The following FAM161A variants were observed in gnomAD, a reference collection of about 807,000 sequenced individuals.
FAM161A encodes the protein FAM161 centrosomal protein A, also known as protein FAM161A.
Under a neutral mutation model 70.9 loss-of-function variants are expected in FAM161A, and 57 were observed. That is an observed-to-expected ratio of 0.80 (90% CI 0.65 to 1.00). The LOEUF (loss-of-function observed/expected upper bound fraction) is 1.00, where lower values mean the gene tolerates loss of function less well. FAM161A is among the 50% of genes least tolerant of loss of function. FAM161A has a pLI of 0.00. For synonymous variants in FAM161A, 299 were observed against 295.7 expected (o/e 1.01, Z -0.12); for missense variants, 880 against 836.0 (o/e 1.05, Z -0.65).
chr2:61,853,727 C>T, intron 1 of FAM161A, 132 bp downstream of exon 1: 1 of 932,436 alleles, frequency 1.1e-6, no homozygotes, highest in Non-Finnish European at 1.6e-6. Flanking sequence ...TGGGCCAGGA[C>T]CACCAAGTAG....
At chr2:61,852,141 C>T (rs1673518952) in intron 1 of FAM161A, among the ~76,000 whole-genome samples, 1 of 151,942 alleles carries the variant, frequency 6.6e-6, no homozygotes, top group African/African-American at 2.4e-5. Flanking sequence ...GTGTGGTGGT[C>T]TCAGAACAGT....
chr2:61,817,158 C>T, the FAM161A span, among the ~76,000 whole-genome samples: 2 of 152,178 alleles, frequency 1.3e-5, no homozygotes, highest in East Asian at 1.9e-4. Flanking sequence ...GGGACAGGGC[C>T]CTTCGCTTTC....
rs1672861006 is a variant in FAM161A, at chr2:61,838,603, C to T, written c.1686G>A (p.Arg562=). ...MKELQKLLTT[R]AKAYDSHQSL... is the part of the protein sequence containing the mutation. The stretch of plus-strand genomic sequence containing the variant: ...TTTGATGTGAGTCATAAGCCTTAGC[C>T]CGGGTTGTCAGGAGTTTCTGCAATT... The change falls in exon 4 of 7, where the codon CGG becomes CGA. Residue 562 remains arginine (R), a synonymous_variant. Coordinates refer to ENST00000404929, the MANE Select transcript of FAM161A (RefSeq NM_001201543.2). The T allele has an allele frequency of 1.2e-6, 2 of 1,612,112 alleles. No homozygotes were observed. The highest frequency in any genetic ancestry group is 1.7e-6 in the Non-Finnish European group (2 of 1,179,466).
intron 1 of FAM161A, among the ~76,000 whole-genome samples, chr2:61,844,928 T>C (rs1234191207): frequency 3.9e-5 from 6 of 152,096 alleles, no homozygotes; most frequent in Non-Finnish European, 7.4e-5. Context: ...AGACACATGG[T>C]TGGACGAGGA....
At chr2:61,814,156 T>G in the FAM161A span, among the ~76,000 whole-genome samples, 1 of 152,154 alleles carries the variant, frequency 6.6e-6, no homozygotes, top group Admixed American at 6.5e-5. Flanking sequence ...GTGGCTGGAG[T>G]GTCACCTACC....
At chr2:61,809,231 A>T in the FAM161A span, among the ~76,000 whole-genome samples, 2 of 152,078 alleles carry the variant, frequency 1.3e-5, no homozygotes, top group South Asian at 2.1e-4. Flanking sequence ...TGGTGTCCTT[A>T]CCTGCTGCTT....
chr2:61,806,703 T>G, the FAM161A span, among the ~76,000 whole-genome samples: 3 of 124,688 alleles, frequency 2.4e-5, no homozygotes, highest in South Asian at 2.6e-4. Flanking sequence ...TTTTTTTTTT[T>G]TTTTTTTGAG....
At chr2:61,818,858 A>G in the FAM161A span, among the ~76,000 whole-genome samples, 1 of 152,168 alleles carries the variant, frequency 6.6e-6, no homozygotes, top group African/African-American at 2.4e-5. Context: ...CCCTGACACT[A>G]CCCGGTTACT....
intron 1 of FAM161A, among the ~76,000 whole-genome samples, chr2:61,850,808 T>G (rs1160099938): frequency 6.6e-6 from 1 of 152,236 alleles, no homozygotes; most frequent in Non-Finnish European, 1.5e-5. Context: ...TCTCTCCTAT[T>G]TATTTTTAAT....
chr2:61,841,001 A>G (rs1171681212), intron 2 of FAM161A, among the ~76,000 whole-genome samples: 1 of 152,230 alleles, frequency 6.6e-6, no homozygotes, highest in Non-Finnish European at 1.5e-5. Flanking sequence ...GAGGAGCTGG[A>G]CAGGGCTTGT....
At chr2:61,852,014 G>A (rs1296957525) in intron 1 of FAM161A, among the ~76,000 whole-genome samples, 2 of 152,136 alleles carry the variant, frequency 1.3e-5, no homozygotes, top group African/African-American at 2.4e-5. Flanking sequence ...AGTGAAGAAA[G>A]CAGAGCCTAT....
the FAM161A span, chr2:61,803,044 G>C: frequency 4.5e-6 from 1 of 223,344 alleles, no homozygotes; most frequent in Non-Finnish European, 8.7e-6. Flanking sequence ...CTCCCTGGCT[G>C]TCTGAGGGTA....
At chr2:61,819,343 A>G in the FAM161A span, among the ~76,000 whole-genome samples, 1 of 152,164 alleles carries the variant, frequency 6.6e-6, no homozygotes, top group Admixed American at 6.6e-5. Context: ...GCATGCCTGT[A>G]GTCCCAGCTA....
At position 61,853,874 on chromosome 2, in the gene FAM161A, C is replaced by T; in HGVS notation, c.168G>A (p.Gln56=). The T allele has an allele frequency of 6.2e-7, 1 of 1,613,978 alleles. No homozygotes were observed. Among genetic ancestry groups the T allele is most frequent in the Non-Finnish European group, 8.5e-7 (1 of 1,179,844 alleles). Residue 56 remains glutamine (Q), a synonymous_variant, in exon 1 of 7, where the codon CAG becomes CAA. Transcript: ENST00000404929. ...LEDEEEEKVA[Q]PAGASADLNT... ...CCAGTATTACCGATGCCCCAGCGGGCTGAGCCACTTTCTCCTCCTCTTCGT... is the reference window on the plus strand; with the variant it reads ...CCAGTATTACCGATGCCCCAGCGGGTTGAGCCACTTTCTCCTCCTCTTCGT...
the FAM161A span, among the ~76,000 whole-genome samples, chr2:61,817,486 A>T: frequency 6.6e-6 from 1 of 152,228 alleles, no homozygotes; most frequent in Admixed American, 6.5e-5. Context: ...TATTGAAATA[A>T]GGATTTACAT....
rs1209817143 is a variant in FAM161A at position 61,826,150 on chromosome 2, AAAT to A, written c.*302_*304del. The A allele has an allele frequency of 1.9e-6, 1 of 523,026 alleles. No individual in the cohort carries two copies. Among genetic ancestry groups the A allele is most frequent in the Non-Finnish European group, 3.7e-6 (1 of 273,426 alleles). The allele number at this position is 523,026 out of a possible 1,614,324, so 32.4% of individuals were successfully genotyped here. On this transcript the variant is annotated 3_prime_UTR_variant, in exon 7 of 7. Transcript: ENST00000404929. ...GCCATTTTTTCCAGTAAAATTAATGAAATAATGTATATTTTTATAACTAATCAG... is the reference window on the plus strand; with the variant it reads ...GCCATTTTTTCCAGTAAAATTAATGAAATGTATATTTTTATAACTAATCAG...
chr2:61,803,580 C>T, the FAM161A span, among the ~76,000 whole-genome samples: 3 of 152,152 alleles, frequency 2.0e-5, no homozygotes, highest in Admixed American at 1.3e-4. Flanking sequence ...CTTTGGGAGG[C>T]CAAGGCAGGT....
chr2:61,847,118 C>T (rs1361185183), intron 1 of FAM161A: 4 of 312,868 alleles, frequency 1.3e-5, no homozygotes, highest in Non-Finnish European at 2.5e-5. Context: ...ACCAAGATCG[C>T]ACCACTGCAC....
chr2:61,849,414 C>T (rs563983147), intron 1 of FAM161A, among the ~76,000 whole-genome samples: 1 of 151,010 alleles, frequency 6.6e-6, no homozygotes, highest in South Asian at 2.1e-4. Flanking sequence ...CCGAGGAGGG[C>T]GAATTGCTTG....
Sources: allele counts gnomAD v4.1 joint callset (sites outside exome capture counted in the v4.1 genomes callset), GRCh38; gene constraint gnomAD v4.1.1; transcripts MANE v1.5; gene names NCBI Gene and HGNC (gene_info 2026-07-23, HGNC 2026-07-21).